The following KIFAP3 variants were observed in gnomAD, a reference collection of about 807,000 sequenced individuals.
KIFAP3 encodes kinesin associated protein 3.
KIFAP3 carries 68 observed loss-of-function variants against 106.5 expected under a neutral mutation model. The observed-to-expected ratio is 0.64, with a 90% CI of 0.53 to 0.78. KIFAP3 has a LOEUF of 0.78. KIFAP3 is among the 30% of genes least tolerant of loss of function. The probability of loss-of-function intolerance (pLI) is 0.00; values close to 1 mark genes in which losing one functional copy is unlikely to be tolerated. For synonymous variants in KIFAP3, 320 were observed against 311.5 expected, an observed-to-expected ratio of 1.03 and a Z score of -0.29; for missense variants, 780 against 941.8, an observed-to-expected ratio of 0.83 and a Z score of 2.25.
At chr1:170,009,370 A>C (rs1295899839) in intron 10 of KIFAP3, among the ~76,000 whole-genome samples, 2 of 152,164 alleles carry the variant, frequency 1.3e-5, no homozygotes, top group Non-Finnish European at 2.9e-5. Flanking sequence ...AAACTCAAAA[A>C]TTCAGAATTG....
chr1:170,069,372 TTACCCTGA>T (rs1671593466), intron 1 of KIFAP3, among the ~76,000 whole-genome samples: 1 of 152,096 alleles, frequency 6.6e-6, no homozygotes, highest in Non-Finnish European at 1.5e-5. Context: ...GAGGCCACCA[TTACCCTGA>T]TACCAAAGCA....
chr1:170,023,279 C>A lies in KIFAP3; in HGVS notation c.1020+1139G>T, dbSNP rs946408030. Among the ~76,000 whole-genome samples, 8 of 151,808 alleles carry A rather than the reference C, an allele frequency of 5.3e-5. No individual in the cohort carries two copies. In the South Asian group the frequency reaches 6.2e-4, roughly 12 times the overall value. Reference sequence around the variant, plus strand: ...TTATAATTCAAGGTACTTATTAAATCTGATAAATAAGTCTCAGGTTTTCAA... The same window carrying A: ...TTATAATTCAAGGTACTTATTAAATATGATAAATAAGTCTCAGGTTTTCAA... On this transcript the variant is annotated intron_variant, in intron 9 of 19. Transcript: ENST00000361580.
intron 3 of KIFAP3, among the ~76,000 whole-genome samples, chr1:170,042,872 G>A (rs939588813): frequency 2.6e-5 from 4 of 152,190 alleles, no homozygotes; most frequent in Non-Finnish European, 5.9e-5. Flanking sequence ...ACCCACATCT[G>A]AGCTTTCTCT....
At chr1:170,014,801 G>A (rs12239130) in intron 10 of KIFAP3, among the ~76,000 whole-genome samples, 2 of 152,090 alleles carry the variant, frequency 1.3e-5, no homozygotes, top group Non-Finnish European at 2.9e-5. Context: ...ACTTCATAAC[G>A]ATGATGATGT....
At chr1:170,067,681 T>C (rs1225831900) in intron 1 of KIFAP3, 1 of 152,228 alleles carries the variant, frequency 6.6e-6, no homozygotes, top group Admixed American at 6.5e-5. Context: ...GGGCTTTCCT[T>C]TGTTTTGACT....
At chr1:169,943,757 C>T (rs903572385) in intron 19 of KIFAP3, among the ~76,000 whole-genome samples, 5 of 152,002 alleles carry the variant, frequency 3.3e-5, no homozygotes, top group Admixed American at 6.6e-5. Flanking sequence ...GTAAAGCCAA[C>T]AAAAATGCAA....
intron 1 of KIFAP3, among the ~76,000 whole-genome samples, chr1:170,066,573 G>A (rs904440706): frequency 3.3e-5 from 5 of 152,076 alleles, no homozygotes; most frequent in African/African-American, 9.7e-5. Flanking sequence ...AATGAAGAGA[G>A]GTAAATCTTG....
intron 5 of KIFAP3, among the ~76,000 whole-genome samples, chr1:170,036,129 G>A (rs1275057375): frequency 6.6e-6 from 1 of 151,898 alleles, no homozygotes; most frequent in East Asian, 1.9e-4. Flanking sequence ...TTAACTTTCA[G>A]GTAGGTTAAT....
intron 17 of KIFAP3, among the ~76,000 whole-genome samples, chr1:169,962,822 G>C (rs1488374338): frequency 6.6e-6 from 1 of 152,114 alleles, no homozygotes; most frequent in African/African-American, 2.4e-5. Context: ...TTGTCAGATT[G>C]CATGTGCTAT....
chr1:169,958,704 T>C (rs1665161880), intron 18 of KIFAP3, among the ~76,000 whole-genome samples: 1 of 152,086 alleles, frequency 6.6e-6, no homozygotes, highest in Non-Finnish European at 1.5e-5. Context: ...TGAAGAACAA[T>C]TAAAAAATAA....
intron 1 of KIFAP3, among the ~76,000 whole-genome samples, chr1:170,063,124 T>C (rs760939946): frequency 6.6e-6 from 1 of 152,174 alleles, no homozygotes; most frequent in African/African-American, 2.4e-5. Context: ...GGGAGGGACC[T>C]AAATTCTGCT....
chr1:170,008,005 A>G (rs929476290), intron 10 of KIFAP3, among the ~76,000 whole-genome samples: 6 of 152,212 alleles, frequency 3.9e-5, no homozygotes, highest in Admixed American at 3.9e-4. Context: ...CCTGACAAAA[A>G]CATACAATGG....
chr1:170,056,800 TA>T (rs1269925596), intron 1 of KIFAP3, among the ~76,000 whole-genome samples: 1 of 152,076 alleles, frequency 6.6e-6, no homozygotes, highest in Non-Finnish European at 1.5e-5. Context: ...TTAAGTACAC[TA>T]AAGCATAGAT....
intron 17 of KIFAP3, among the ~76,000 whole-genome samples, chr1:169,969,812 T>C (rs968831663): frequency 3.3e-5 from 5 of 152,050 alleles, no homozygotes; most frequent in Non-Finnish European, 7.4e-5. Flanking sequence ...CCAGTTCACA[T>C]GTTTAGAGAA....
At position 169,954,134 on chromosome 1, in the gene KIFAP3, C is replaced by G. The variant is rs745355808; in HGVS notation, c.2174-24G>C. 1.2e-5 allele frequency: 17 copies of G among 1,411,562 alleles called. No homozygotes were observed. The Middle Eastern group carries it at 7.0e-4, about 58-fold the overall frequency. 87.4% of individuals were successfully genotyped at this position (1,411,562 alleles called of 1,614,324 possible). A position where few individuals can be genotyped will look rare whatever the true frequency, so the allele number is the denominator to read the frequency against. On this transcript the variant is annotated intron_variant, in intron 18 of 19. Transcript: ENST00000361580. ...ATCTAGAAAGAAAAAAAAATGGTAA[C>G]CAGTAAAACATATGTGTAGGAAAAA...
chr1:169,988,750 A>C (rs1666961002), intron 11 of KIFAP3, among the ~76,000 whole-genome samples: 1 of 152,004 alleles, frequency 6.6e-6, no homozygotes, highest in Admixed American at 6.6e-5. Flanking sequence ...GGTGGCAATA[A>C]AACCACGTCA....
chr1:170,056,268 A>G (rs1670849409), intron 1 of KIFAP3, among the ~76,000 whole-genome samples: 1 of 152,186 alleles, frequency 6.6e-6, no homozygotes, highest in Non-Finnish European at 1.5e-5. Context: ...TCACACCCAA[A>G]TTACATAACA....
chr1:169,992,749 T>G (rs1202328084), intron 10 of KIFAP3, among the ~76,000 whole-genome samples: 1 of 152,160 alleles, frequency 6.6e-6, no homozygotes, highest in African/African-American at 2.4e-5. Context: ...TGCTATAGGC[T>G]ATAACACAGC....
chr1:169,932,275 G>A (rs1351265603), intron 19 of KIFAP3, among the ~76,000 whole-genome samples: 1 of 152,086 alleles, frequency 6.6e-6, no homozygotes, highest in Non-Finnish European at 1.5e-5. Flanking sequence ...GTGGGGGCAA[G>A]AGACTATTAA....
Sources: allele counts gnomAD v4.1 joint callset (sites outside exome capture counted in the v4.1 genomes callset), GRCh38; gene constraint gnomAD v4.1.1; transcripts MANE v1.5; gene names NCBI Gene and HGNC (gene_info 2026-07-23, HGNC 2026-07-21).